The following SOBP variants were observed in gnomAD, a reference collection of about 807,000 sequenced individuals.
The protein encoded by SOBP is sine oculis binding protein homolog.
In SOBP, 4 loss-of-function variants were observed where a neutral mutation model predicts 53.6. The ratio of observed to expected loss-of-function variants is 0.07; its 90% CI spans 0.04 to 0.17. The LOEUF (loss-of-function observed/expected upper bound fraction) is 0.17, where lower values mean the gene tolerates loss of function less well. SOBP is among the 10% of genes least tolerant of loss of function. The pLI, the probability that SOBP is intolerant of heterozygous loss-of-function variation, is 1.00. For synonymous variants in SOBP, 584 were observed against 522.6 expected (o/e 1.12, Z -1.60); for missense variants, 1,088 against 1,204.7 (o/e 0.90, Z 1.43).
intron 6 of SOBP, among the ~76,000 whole-genome samples, chr6:107,654,552 C>T (rs765630738): frequency 2.0e-5 from 3 of 152,212 alleles, no homozygotes; most frequent in Non-Finnish European, 2.9e-5. Flanking sequence ...GATTAATATT[C>T]AGTTGTTCAA....
intron 3 of SOBP, among the ~76,000 whole-genome samples, chr6:107,529,248 A>C (rs1410065983): frequency 6.6e-6 from 1 of 152,226 alleles, no homozygotes; most frequent in Non-Finnish European, 1.5e-5. Context: ...AGCAAACTTC[A>C]GTTTCTTGCC....
chr6:107,577,418 G>T (rs1247693850), intron 4 of SOBP, among the ~76,000 whole-genome samples: 2 of 152,230 alleles, frequency 1.3e-5, no homozygotes, highest in African/African-American at 4.8e-5. Context: ...TCACCACAAG[G>T]TGGGCAGGTT....
chr6:107,527,144 A>G (rs1487389606), intron 3 of SOBP, among the ~76,000 whole-genome samples: 1 of 152,212 alleles, frequency 6.6e-6, no homozygotes, highest in Non-Finnish European at 1.5e-5. Context: ...TTGCTCTGAT[A>G]CTTTTTAAAT....
At chr6:107,539,658 G>A (rs1412881776) in intron 4 of SOBP, among the ~76,000 whole-genome samples, 1 of 152,178 alleles carries the variant, frequency 6.6e-6, no homozygotes, top group East Asian at 1.9e-4. Context: ...GTGCGTGTTT[G>A]GAGTTCATAG....
chr6:107,559,518 T>C (rs1355613825), intron 4 of SOBP, among the ~76,000 whole-genome samples: 7 of 152,214 alleles, frequency 4.6e-5, no homozygotes, highest in East Asian at 1.9e-4. Flanking sequence ...AGAGGAGATA[T>C]TGAGAATTAC....
At chr6:107,632,371 ACT>A (rs1184914048) in intron 5 of SOBP, among the ~76,000 whole-genome samples, 2 of 151,766 alleles carry the variant, frequency 1.3e-5, no homozygotes, top group African/African-American at 4.8e-5. Flanking sequence ...TGTGTGTAAA[ACT>A]CTGTCAAAAA....
chr6:107,565,254 C>T (rs1032026918), intron 4 of SOBP, among the ~76,000 whole-genome samples: 5 of 152,120 alleles, frequency 3.3e-5, no homozygotes, highest in African/African-American at 1.2e-4. Context: ...GAAATAAGAC[C>T]TAGTTGTCCA....
intron 5 of SOBP, among the ~76,000 whole-genome samples, chr6:107,628,136 G>A (rs986856867): frequency 1.3e-5 from 2 of 152,222 alleles, no homozygotes; most frequent in African/African-American, 2.4e-5. Context: ...CAGTTGAGCC[G>A]AAGAGGAATG....
At chr6:107,523,118 G>A (rs774510658) in intron 3 of SOBP, among the ~76,000 whole-genome samples, 4 of 152,174 alleles carry the variant, frequency 2.6e-5, no homozygotes, top group Admixed American at 1.3e-4. Context: ...TTTGGGCATC[G>A]TCGTATTATG....
intron 3 of SOBP, among the ~76,000 whole-genome samples, chr6:107,529,180 G>A (rs181107619): frequency 3.9e-4 from 60 of 152,334 alleles, no homozygotes; most frequent in East Asian, 2.3e-3. Flanking sequence ...TTGCTTTAAA[G>A]TGTTTGGAAT....
In SOBP at chr6:107,583,039, C is replaced by T. The variant is rs115630389; in HGVS notation, c.574-4041C>T. 4.4e-3 allele frequency among the ~76,000 whole-genome samples: 668 copies of T among 152,308 alleles called. 3 individuals are homozygous for T. The highest frequency in any genetic ancestry group is 0.015 in the African/African-American group (636 of 41,554). ...TCCTATGTCCACCCTCCTTGTTAAG[C>T]CATTGTCTGGCACCCCACCCAAGTG... On this transcript the variant is annotated intron_variant, in intron 4 of 6. Coordinates refer to ENST00000317357, the MANE Select transcript of SOBP (RefSeq NM_018013.4).
At chr6:107,547,656 C>T (rs992893950) in intron 4 of SOBP, among the ~76,000 whole-genome samples, 2 of 152,166 alleles carry the variant, frequency 1.3e-5, no homozygotes, top group African/African-American at 2.4e-5. Flanking sequence ...TGTACTCAGC[C>T]TCTTAACACT....
chr6:107,520,310 G>C (rs1392841251), intron 3 of SOBP, among the ~76,000 whole-genome samples: 1 of 152,184 alleles, frequency 6.6e-6, no homozygotes. Context: ...CAGAATGCTA[G>C]AATTTTACTT....
chr6:107,490,274 A>AGCGGCAGCGGCAGCGAGG lies in SOBP; in HGVS notation c.-335_-318dup, dbSNP rs1204138414. 6.9e-6 allele frequency: 1 copy of AGCGGCAGCGGCAGCGAGG among 145,144 alleles called. No individual in the cohort carries two copies. Among genetic ancestry groups the AGCGGCAGCGGCAGCGAGG allele is most frequent in the Non-Finnish European group, 1.5e-5 (1 of 65,644 alleles). The allele number at this position is 145,144 out of a possible 1,614,324, so 9.0% of individuals were successfully genotyped here. ...GCGGCCCGGCGGCGGCGGCGGCGGG[A>AGCGGCAGCGGCAGCGAGG]GCGGCAGCGGCAGCGAGGGCGGCAG... On this transcript the variant is annotated 5_prime_UTR_variant, in exon 1 of 7. Coordinates refer to ENST00000317357, the MANE Select transcript of SOBP (RefSeq NM_018013.4).
chr6:107,621,035 G>C (rs1264742422), intron 5 of SOBP: 7 of 281,218 alleles, frequency 2.5e-5, no homozygotes, highest in Non-Finnish European at 3.8e-5. Flanking sequence ...ATTGTTGCTA[G>C]TCTTAATTTA....
chr6:107,532,815 G>T (rs1337197325), intron 3 of SOBP, among the ~76,000 whole-genome samples: 1 of 152,186 alleles, frequency 6.6e-6, no homozygotes, highest in Non-Finnish European at 1.5e-5. Flanking sequence ...TAGGACACCA[G>T]TGCCGGAAGG....
intron 4 of SOBP, among the ~76,000 whole-genome samples, chr6:107,576,841 G>A (rs1359174566): frequency 6.6e-6 from 1 of 152,224 alleles, no homozygotes; most frequent in Non-Finnish European, 1.5e-5. Context: ...TAGCATTTCT[G>A]TGGTTGCTGG....
intron 4 of SOBP, among the ~76,000 whole-genome samples, chr6:107,580,870 C>G (rs1274035251): frequency 6.6e-6 from 1 of 152,058 alleles, no homozygotes; most frequent in African/African-American, 2.4e-5. Context: ...CAGGTGTGAT[C>G]AGATAGCTCC....
chr6:107,627,741 T>G (rs1369644513), intron 5 of SOBP, among the ~76,000 whole-genome samples: 1 of 152,230 alleles, frequency 6.6e-6, no homozygotes, highest in Non-Finnish European at 1.5e-5. Flanking sequence ...GAAAATGAAC[T>G]TCTTCATGCA....
Sources: gnomAD v4.1 joint callset for allele counts (sites outside exome capture counted in the v4.1 genomes callset) on GRCh38, gnomAD v4.1.1 for gene constraint, MANE v1.5 for transcripts, NCBI Gene and HGNC (gene_info 2026-07-23, HGNC 2026-07-21) for gene names.